Variants in C10orf143 observed in about 807,000 individuals in gnomAD.
The protein encoded by C10orf143 is uncharacterized protein C10orf143.
chr10:130,103,745 G>A (rs1223206811), intron 1 of C10orf143, among the ~76,000 whole-genome samples: 2 of 152,058 alleles, frequency 1.3e-5, no homozygotes, highest in Non-Finnish European at 2.9e-5. Context: ...AGGAGATTGA[G>A]GCTGCAGTGA....
At chr10:130,041,470 G>A (rs980770595) in intron 3 of C10orf143, among the ~76,000 whole-genome samples, 1 of 152,144 alleles carries the variant, frequency 6.6e-6, no homozygotes, top group Admixed American at 6.5e-5. Context: ...TGCTACCAAT[G>A]GTGACTGAGT....
chr10:130,072,499 C>T (rs979065259), intron 3 of C10orf143, among the ~76,000 whole-genome samples: 3 of 152,138 alleles, frequency 2.0e-5, no homozygotes, highest in African/African-American at 7.2e-5. Flanking sequence ...TTCTAATTCA[C>T]TAATTCTGTC....
chr10:130,079,706 C>G (rs1231826204), intron 2 of C10orf143, 31 bp downstream of exon 2: 1 of 398,732 alleles, frequency 2.5e-6, no homozygotes, highest in Non-Finnish European at 4.4e-6. Flanking sequence ...TCAACATGCT[C>G]ACAAGTAGTT....
At chr10:130,071,134 G>A (rs764009653) in intron 3 of C10orf143, among the ~76,000 whole-genome samples, 5 of 152,100 alleles carry the variant, frequency 3.3e-5, no homozygotes, top group Non-Finnish European at 7.4e-5. Flanking sequence ...GGCCAGGCTG[G>A]TCTCAAACTC....
chr10:130,036,902 G>C (rs1387453335), intron 3 of C10orf143, among the ~76,000 whole-genome samples: 1 of 152,140 alleles, frequency 6.6e-6, no homozygotes, highest in East Asian at 1.9e-4. Flanking sequence ...CTTCTCACCA[G>C]GGGCTGCAAC....
intron 3 of C10orf143, among the ~76,000 whole-genome samples, chr10:130,070,667 C>T (rs1185703902): frequency 2.6e-5 from 4 of 152,194 alleles, no homozygotes; most frequent in African/African-American, 4.8e-5. Context: ...GTTTACCACT[C>T]TCATAAATGT....
At position 130,043,442 on chromosome 10, in the gene C10orf143, C is replaced by T. The variant is rs565543169; in HGVS notation, c.298-7472G>A. On this transcript the variant is annotated intron_variant and NMD_transcript_variant, in intron 3 of 5. Coordinates refer to the C10orf143 transcript ENST00000643056. ...TTTTACAAGATGCCCATTACCAAGA[C>T]GGGCAGGTGGGAAAAAGCCCCGCCC... Among the ~76,000 whole-genome samples, 133 of 152,302 alleles carry T rather than the reference C, an allele frequency of 8.7e-4. 3 individuals carry two copies. In the South Asian group the frequency reaches 0.025, roughly 29 times the overall value.
chr10:130,099,899 G>A (rs1454137354), intron 1 of C10orf143, among the ~76,000 whole-genome samples: 1 of 147,128 alleles, frequency 6.8e-6, no homozygotes, highest in African/African-American at 2.5e-5. Flanking sequence ...GTGCAGTGAC[G>A]TGATCTTGGC....
chr10:130,054,168 C>T (rs527536089), intron 3 of C10orf143, among the ~76,000 whole-genome samples: 6 of 152,302 alleles, frequency 3.9e-5, no homozygotes, highest in African/African-American at 1.2e-4. Flanking sequence ...GGCTGACTTG[C>T]AACTGCCCGT....
chr10:130,067,142 G>A (rs918669855), intron 3 of C10orf143: 8 of 152,224 alleles, frequency 5.3e-5, no homozygotes, highest in Non-Finnish European at 8.8e-5. Context: ...ACACGTGTGT[G>A]GCCTCAGCCC....
chr10:130,035,693 C>T (rs571985394), intron 4 of C10orf143, among the ~76,000 whole-genome samples: 3 of 152,352 alleles, frequency 2.0e-5, no homozygotes, highest in East Asian at 1.9e-4. Flanking sequence ...AGAATGACTC[C>T]ACACAGCTGG....
Position 130,102,002 on chromosome 10 carries a change from C to G in C10orf143, c.69+8702G>C, listed in dbSNP as rs575412402. On this transcript the variant is annotated intron_variant, in intron 1 of 3. Coordinates refer to ENST00000637128, the MANE Select transcript of C10orf143 (RefSeq NM_001355042.2). ...AAAATTGAGGCCAGGCATGGTGGCT[C>G]ATGCCTGTGATCCCAACACTTTGGG... is the stretch of plus-strand genomic sequence containing the variant. Among the ~76,000 whole-genome samples, 63 of 151,884 alleles carry G rather than the reference C, an allele frequency of 4.1e-4. 1 individual carries two copies. Among genetic ancestry groups the G allele is most frequent in the African/African-American group, 1.5e-3 (62 of 41,424 alleles).
At chr10:130,040,784 C>T (rs1590000683) in intron 3 of C10orf143, among the ~76,000 whole-genome samples, 1 of 151,888 alleles carries the variant, frequency 6.6e-6, no homozygotes, top group East Asian at 1.9e-4. Flanking sequence ...GATCACACCA[C>T]TGCAGTCCCG....
At chr10:130,090,984 G>A (rs968146498) in intron 1 of C10orf143, among the ~76,000 whole-genome samples, 7 of 152,172 alleles carry the variant, frequency 4.6e-5, no homozygotes, top group African/African-American at 1.7e-4. Flanking sequence ...GGCAACTGTG[G>A]GCACAGCTTC....
At chr10:130,106,505 G>T (rs955551236) in intron 1 of C10orf143, 10 of 1,601,370 alleles carry the variant, frequency 6.2e-6, no homozygotes, top group Non-Finnish European at 8.5e-6. Flanking sequence ...AGAGTTAAAA[G>T]AAGAGAAATC....
At chr10:130,047,519 G>A (rs937936250) in intron 3 of C10orf143, among the ~76,000 whole-genome samples, 15 of 152,134 alleles carry the variant, frequency 9.9e-5, no homozygotes, top group Admixed American at 3.9e-4. Flanking sequence ...CTCTCAACCT[G>A]CAGCCGCTTT....
chr10:130,036,519 G>A (rs1860546778), intron 3 of C10orf143, among the ~76,000 whole-genome samples: 1 of 152,190 alleles, frequency 6.6e-6, no homozygotes, highest in African/African-American at 2.4e-5. Flanking sequence ...CAGGTCCCCA[G>A]AACACCCTGG....
At chr10:130,038,673 C>A (rs903052047) in intron 3 of C10orf143, among the ~76,000 whole-genome samples, 1 of 152,182 alleles carries the variant, frequency 6.6e-6, no homozygotes, top group African/African-American at 2.4e-5. Flanking sequence ...TCCCCACCCC[C>A]CAGGCTGAGC....
intron 1 of C10orf143, among the ~76,000 whole-genome samples, chr10:130,099,824 AT>A (rs1022655788): frequency 4.1e-5 from 6 of 146,216 alleles, no homozygotes; most frequent in Non-Finnish European, 5.9e-5. Flanking sequence ...CTCAACCTAA[AT>A]TTTTTTTATT....
Sources: allele counts gnomAD v4.1 joint callset (sites outside exome capture counted in the v4.1 genomes callset), GRCh38; gene constraint gnomAD v4.1.1; transcripts MANE v1.5; gene names NCBI Gene and HGNC (gene_info 2026-07-23, HGNC 2026-07-21).